Variants in ZZZ3 observed in about 807,000 individuals in gnomAD.
ZZZ3 encodes the protein zinc finger ZZ-type containing 3, also known as ZZ-type zinc finger-containing protein 3.
Under a neutral mutation model 95.2 loss-of-function variants are expected in ZZZ3, and 22 were observed. The ratio of observed to expected loss-of-function variants is 0.23; its 90% CI spans 0.17 to 0.33. ZZZ3 has a LOEUF of 0.33. ZZZ3 is among the 10% of genes least tolerant of loss of function. The pLI, the probability that ZZZ3 is intolerant of heterozygous loss-of-function variation, is 1.00. For missense variants in ZZZ3, 885 were observed against 1,066.5 expected (o/e 0.83, Z 2.37); for synonymous variants, 335 against 358.9 (o/e 0.93, Z 0.75).
At chr1:77,622,893 G>C (rs1667014735) in intron 5 of ZZZ3, among the ~76,000 whole-genome samples, 1 of 152,106 alleles carries the variant, frequency 6.6e-6, no homozygotes, top group Non-Finnish European at 1.5e-5. Flanking sequence ...ATAAGTAAAA[G>C]CTCGCCCACA....
chr1:77,611,232 C>CAAAAAAAAAAAAAAA, intron 5 of ZZZ3, among the ~76,000 whole-genome samples: 1 of 57,284 alleles, frequency 1.7e-5, no homozygotes, highest in East Asian at 5.5e-4. Flanking sequence ...AAATACCTAC[C>CAAAAAAAAAAAAAAA]AAAAAAAAAA....
At chr1:77,579,100 T>G (rs1334148164) in intron 10 of ZZZ3, among the ~76,000 whole-genome samples, 1 of 152,210 alleles carries the variant, frequency 6.6e-6, no homozygotes, top group Non-Finnish European at 1.5e-5. Flanking sequence ...AACACATATT[T>G]CAACTTGTGA....
chr1:77,627,197 T>C (rs1667412705), intron 5 of ZZZ3, among the ~76,000 whole-genome samples: 5 of 152,312 alleles, frequency 3.3e-5, no homozygotes, highest in Middle Eastern at 3.4e-3. Context: ...TAATTCATTA[T>C]ATTACTTAAA....
At chr1:77,675,607 T>C (rs756986548) in intron 1 of ZZZ3, among the ~76,000 whole-genome samples, 1 of 152,164 alleles carries the variant, frequency 6.6e-6, no homozygotes, top group South Asian at 2.1e-4. Flanking sequence ...CACTTTTTTT[T>C]TTTTCAAATA....
chr1:77,568,517 T>C, intron 12 of ZZZ3, 51 bp from the exon 13 acceptor site: 1 of 976,434 alleles, frequency 1.0e-6, no homozygotes, highest in East Asian at 2.8e-5. Flanking sequence ...TTAAAATGAA[T>C]TAAGTGTAAG....
At chr1:77,642,761 AT>A (rs1216260875) in intron 1 of ZZZ3, among the ~76,000 whole-genome samples, 2 of 151,914 alleles carry the variant, frequency 1.3e-5, no homozygotes, top group Non-Finnish European at 2.9e-5. Flanking sequence ...CAAAAACAAA[AT>A]TTTTTTTAAT....
intron 1 of ZZZ3, among the ~76,000 whole-genome samples, chr1:77,644,294 A>C (rs148125416): frequency 0.012 from 1,881 of 152,108 alleles, 43 homozygotes; most frequent in South Asian, 0.1. Context: ...TCAAATCCTG[A>C]CCTCAGGTGA....
chr1:77,650,184 C>T (rs1315235014), intron 1 of ZZZ3, among the ~76,000 whole-genome samples: 1 of 151,970 alleles, frequency 6.6e-6, no homozygotes, highest in Non-Finnish European at 1.5e-5. Flanking sequence ...GTTTAAAACA[C>T]TCAATCCAAA....
At chr1:77,635,019 C>T (rs909092912) in intron 4 of ZZZ3, among the ~76,000 whole-genome samples, 2 of 152,134 alleles carry the variant, frequency 1.3e-5, no homozygotes, top group African/African-American at 2.4e-5. Context: ...TCATGTAAAC[C>T]TCCAAATGCC....
chr1:77,593,035 T>C (rs567851741), intron 5 of ZZZ3, among the ~76,000 whole-genome samples: 1 of 152,294 alleles, frequency 6.6e-6, no homozygotes, highest in East Asian at 1.9e-4. Flanking sequence ...AGCAGTCCTT[T>C]TGACAGCTTA....
chr1:77,599,313 G>T (rs975098492), intron 5 of ZZZ3, among the ~76,000 whole-genome samples: 2 of 151,274 alleles, frequency 1.3e-5, no homozygotes, highest in Non-Finnish European at 3.0e-5. Context: ...CTTTATACTG[G>T]TATTACCTAA....
intron 5 of ZZZ3, among the ~76,000 whole-genome samples, chr1:77,609,808 T>G (rs1665603796): frequency 6.6e-6 from 1 of 151,926 alleles, no homozygotes; most frequent in Non-Finnish European, 1.5e-5. Flanking sequence ...ATGAAGAAAT[T>G]TAAAAGGAAA....
At chr1:77,682,206 G>C (rs1369271328) in intron 1 of ZZZ3, among the ~76,000 whole-genome samples, 1 of 152,198 alleles carries the variant, frequency 6.6e-6, no homozygotes, top group African/African-American at 2.4e-5. Flanking sequence ...TCAGGAGACT[G>C]GAGTCAGGTA....
At chr1:77,603,314 A>T (rs534228183) in intron 5 of ZZZ3, among the ~76,000 whole-genome samples, 8 of 152,206 alleles carry the variant, frequency 5.3e-5, no homozygotes, top group Non-Finnish European at 1.0e-4. Flanking sequence ...CCCGGGCTCA[A>T]GTGATCCTCC....
intron 5 of ZZZ3, among the ~76,000 whole-genome samples, chr1:77,598,950 C>A (rs1418416103): frequency 6.6e-6 from 1 of 152,106 alleles, no homozygotes; most frequent in Non-Finnish European, 1.5e-5. Flanking sequence ...AGTAGTTAAA[C>A]CGGCCCCATT....
chr1:77,634,912 T>C (rs1252803295), intron 4 of ZZZ3, among the ~76,000 whole-genome samples: 1 of 152,174 alleles, frequency 6.6e-6, no homozygotes, highest in Non-Finnish European at 1.5e-5. Context: ...TTGAATGAGA[T>C]GCAGGATGAT....
intron 12 of ZZZ3, among the ~76,000 whole-genome samples, chr1:77,571,870 C>G (rs1028455133): frequency 5.9e-5 from 9 of 152,124 alleles, no homozygotes; most frequent in African/African-American, 1.9e-4. Flanking sequence ...TGTGACTGTA[C>G]ATAGCATTGC....
intron 10 of ZZZ3, 66 bp downstream of exon 10, chr1:77,579,461 A>G (rs1406769541): frequency 1.7e-6 from 2 of 1,176,342 alleles, no homozygotes; most frequent in Non-Finnish European, 2.5e-6. Context: ...TGTCAGCTGC[A>G]TTATTCTCCT....
chr1:77,659,078 CG>C (rs1351406530), intron 1 of ZZZ3, among the ~76,000 whole-genome samples: 1 of 151,856 alleles, frequency 6.6e-6, no homozygotes, highest in Non-Finnish European at 1.5e-5. Context: ...ATTAGCCGGG[CG>C]TAGTGGCACA....
Sources: gnomAD v4.1 joint callset for allele counts (sites outside exome capture counted in the v4.1 genomes callset) on GRCh38, gnomAD v4.1.1 for gene constraint, MANE v1.5 for transcripts, NCBI Gene and HGNC (gene_info 2026-07-23, HGNC 2026-07-21) for gene names.